The following NUFIP1 variants were observed in gnomAD, a reference collection of about 807,000 sequenced individuals.
NUFIP1 encodes nuclear FMR1 interacting protein 1.
NUFIP1 carries 38 observed loss-of-function variants against 56.2 expected under a neutral mutation model. That is an observed-to-expected ratio of 0.68 (90% CI 0.52 to 0.89). NUFIP1 has a LOEUF of 0.89. Among genes scored for constraint, NUFIP1 ranks in the 40% least tolerant of loss-of-function variants. The pLI, the probability that NUFIP1 is intolerant of heterozygous loss-of-function variation, is 0.00. For synonymous variants in NUFIP1, 215 were observed against 212.4 expected (o/e 1.01, Z -0.10); for missense variants, 567 against 605.8 (o/e 0.94, Z 0.67).
chr13:44,965,240 T>C (rs1055473975), intron 6 of NUFIP1, among the ~76,000 whole-genome samples: 4 of 152,216 alleles, frequency 2.6e-5, no homozygotes, highest in Non-Finnish European at 5.9e-5. Context: ...TGCCCCTCTT[T>C]GCCTTCTTCC....
chr13:44,974,912 G>A (rs751811139), intron 5 of NUFIP1, among the ~76,000 whole-genome samples: 6 of 152,206 alleles, frequency 3.9e-5, no homozygotes, highest in Non-Finnish European at 8.8e-5. Context: ...ATGGCACAGA[G>A]CTCAAAGGAG....
intron 6 of NUFIP1, among the ~76,000 whole-genome samples, chr13:44,961,052 G>GAAAAAAAAAAAAAAAAAAAAAA (rs975537873): frequency 1.9e-5 from 1 of 53,572 alleles, no homozygotes; most frequent in African/African-American, 6.5e-5. Flanking sequence ...TCTGTCTCCA[G>GAAAAAAAAAAAAAAAAAAAAAA]AAAAAAAAAA....
intron 8 of NUFIP1, among the ~76,000 whole-genome samples, chr13:44,945,790 T>C (rs1870885455): frequency 6.6e-6 from 1 of 152,100 alleles, no homozygotes; most frequent in South Asian, 2.1e-4. Context: ...AGTTATACTA[T>C]TTACTTACTA....
At position 44,949,723 on chromosome 13, in the gene NUFIP1, T is replaced by C. The variant is rs773595146; in HGVS notation, c.1137A>G (p.Glu379=). Residue 379 remains glutamate, a splice_region_variant and synonymous_variant, in exon 8 of 10, where the codon GAA becomes GAG. Transcript: ENST00000379161. ...GTAACAACACACACCATGACTTACC[T>C]TCTGGCTCACTCTCTGACCCTGAAA... ...GSLSGSESEP[E]ETPIKTEADV... 4 of 1,593,446 alleles carry C rather than the reference T, an allele frequency of 2.5e-6. No individual in the cohort carries two copies. The South Asian group carries it at 4.5e-5, about 18-fold the overall frequency.
At chr13:44,977,560 T>C (rs371848763) in intron 5 of NUFIP1, among the ~76,000 whole-genome samples, 1 of 151,882 alleles carries the variant, frequency 6.6e-6, no homozygotes, top group African/African-American at 2.4e-5. Flanking sequence ...AAGGAGAGAG[T>C]AGTAAGTCAG....
At chr13:44,953,851 A>T (rs1389567234) in intron 7 of NUFIP1, among the ~76,000 whole-genome samples, 2 of 151,974 alleles carry the variant, frequency 1.3e-5, no homozygotes, top group African/African-American at 4.8e-5. Flanking sequence ...GACTTACCTA[A>T]AGGGTAAGTT....
intron 4 of NUFIP1, 63 bp from the exon 5 acceptor site, chr13:44,979,329 G>T: frequency 7.4e-7 from 1 of 1,344,162 alleles, no homozygotes; most frequent in Non-Finnish European, 1.0e-6. Flanking sequence ...CTAACTTGGA[G>T]ACTTTGTTTC....
chr13:44,941,726 G>A (rs1048799446), intron 9 of NUFIP1, among the ~76,000 whole-genome samples: 1 of 151,990 alleles, frequency 6.6e-6, no homozygotes, highest in Non-Finnish European at 1.5e-5. Flanking sequence ...TGTTAGCCAG[G>A]ATGGTCTCGA....
intron 1 of NUFIP1, among the ~76,000 whole-genome samples, chr13:44,984,018 A>G (rs1243523413): frequency 6.6e-6 from 1 of 152,150 alleles, no homozygotes; most frequent in Non-Finnish European, 1.5e-5. Flanking sequence ...ACAGCTTCCT[A>G]GAGACCTTCC....
At chr13:44,974,468 G>A (rs564576436) in intron 5 of NUFIP1, among the ~76,000 whole-genome samples, 2 of 152,340 alleles carry the variant, frequency 1.3e-5, no homozygotes, top group East Asian at 3.9e-4. Context: ...ATGGAAAGAG[G>A]AGTATGTCCA....
chr13:44,984,675 C>T (rs1255135452), intron 1 of NUFIP1, among the ~76,000 whole-genome samples: 1 of 152,018 alleles, frequency 6.6e-6, no homozygotes, highest in Non-Finnish European at 1.5e-5. Context: ...AAATAAAACA[C>T]TAATTGTTCA....
intron 9 of NUFIP1, 22 bp downstream of exon 9, chr13:44,943,420 A>C: frequency 6.3e-7 from 1 of 1,594,792 alleles, no homozygotes; most frequent in Non-Finnish European, 8.6e-7. Context: ...CAAAGATTAG[A>C]ACCTAAAGAA....
At chr13:44,944,835 G>A (rs192230345) in intron 8 of NUFIP1, among the ~76,000 whole-genome samples, 18 of 152,118 alleles carry the variant, frequency 1.2e-4, no homozygotes, top group African/African-American at 3.6e-4. Context: ...TCATAAGAGA[G>A]ATTAGGAAAT....
intron 8 of NUFIP1, among the ~76,000 whole-genome samples, chr13:44,948,335 T>C (rs1870965779): frequency 1.3e-5 from 2 of 151,902 alleles, no homozygotes; most frequent in Admixed American, 6.6e-5. Flanking sequence ...AGAGATGGGG[T>C]TTCACCATGT....
At chr13:44,973,156 T>G (rs1566062686) in intron 5 of NUFIP1, among the ~76,000 whole-genome samples, 1 of 152,214 alleles carries the variant, frequency 6.6e-6, no homozygotes, top group African/African-American at 2.4e-5. Flanking sequence ...TAATCATTTA[T>G]TCACGAAACC....
At chr13:44,960,834 G>A (rs1461129682) in intron 6 of NUFIP1, among the ~76,000 whole-genome samples, 3 of 152,024 alleles carry the variant, frequency 2.0e-5, no homozygotes, top group African/African-American at 7.2e-5. Flanking sequence ...AGGCCAAGGT[G>A]GGCGGATCAC....
At position 44,949,741 on chromosome 13, in the gene NUFIP1, C is replaced by G. The variant is rs1871024211; in HGVS notation, c.1119G>C (p.Gly373=). ...ACTTACCTTCTGGCTCACTCTCTGA[C>G]CCTGAAAGACTGCCATAGCTACTCA... ...SLMSSYGSLS[G]SESEPEETPI... Residue 373 remains glycine, a synonymous_variant, in exon 8 of 10, where the codon GGG becomes GGC. Transcript: ENST00000379161. 1 of 1,609,944 alleles carries G rather than the reference C, an allele frequency of 6.2e-7. No homozygotes were observed. The highest frequency in any genetic ancestry group is 8.5e-7 in the Non-Finnish European group (1 of 1,177,826).
intron 6 of NUFIP1, 84 bp from the exon 7 acceptor site, chr13:44,959,658 A>C: frequency 9.0e-7 from 1 of 1,105,488 alleles, no homozygotes; most frequent in South Asian, 1.5e-5. Context: ...GATACAAAAG[A>C]AACCTAGCTG....
At chr13:44,945,724 A>C (rs1289482969) in intron 8 of NUFIP1, among the ~76,000 whole-genome samples, 1 of 152,074 alleles carries the variant, frequency 6.6e-6, no homozygotes, top group Non-Finnish European at 1.5e-5. Context: ...CCATATGAAC[A>C]GTTGAAAATT....
Sources: gnomAD v4.1 joint callset for allele counts (sites outside exome capture counted in the v4.1 genomes callset) on GRCh38, gnomAD v4.1.1 for gene constraint, MANE v1.5 for transcripts, NCBI Gene and HGNC (gene_info 2026-07-23, HGNC 2026-07-21) for gene names.